The following IRX2 variants were observed in gnomAD, a reference collection of about 807,000 sequenced individuals.
IRX2 encodes the protein iroquois homeobox 2.
IRX2 carries 26 observed loss-of-function variants against 42.9 expected under a neutral mutation model. That is an observed-to-expected ratio of 0.61 (90% confidence interval 0.44 to 0.84). IRX2 has a LOEUF of 0.84. Among genes scored for constraint, IRX2 ranks in the 40% least tolerant of loss-of-function variants. The pLI, the probability that IRX2 is intolerant of heterozygous loss-of-function variation, is 0.00. For synonymous variants in IRX2, 424 were observed against 353.9 expected (o/e 1.20, Z -2.22); for missense variants, 782 against 713.9 (o/e 1.10, Z -1.09).
chr5:2,740,783 C>T, the IRX2 span, among the ~76,000 whole-genome samples: 13 of 152,306 alleles, frequency 8.5e-5, no homozygotes, highest in South Asian at 2.5e-3. Flanking sequence ...GCGCCTCCAG[C>T]TCCCGCACCT....
At chr5:2,745,582 G>C (rs528830581), downstream of IRX2, among the ~76,000 whole-genome samples, 2 of 152,266 alleles carry the variant, frequency 1.3e-5, no homozygotes, top group South Asian at 2.1e-4. Flanking sequence ...GTAAGAGTAA[G>C]AGCCACTGAA....
At position 2,747,493 on chromosome 5, in the gene IRX2, T is replaced by G; in HGVS notation, c.*71A>C. 7.4e-7 allele frequency: 1 copy of G among 1,352,040 alleles called. No individual in the cohort carries two copies. The highest frequency in any genetic ancestry group is 1.1e-6 in the Non-Finnish European group (1 of 944,330). 83.8% of individuals were successfully genotyped at this position (1,352,040 alleles called of 1,614,324 possible). A position where few individuals can be genotyped will look rare whatever the true frequency, so the allele number is the denominator to read the frequency against. On this transcript the variant is annotated 3_prime_UTR_variant, in exon 4 of 4. Coordinates refer to ENST00000302057, the MANE Select transcript of IRX2 (RefSeq NM_033267.5). ...AAGAAAAACACATTAAGCAAGTTGGTGCTGGGAGGCTCCACAGGGTCTGGG... is the reference window on the plus strand; with the variant it reads ...AAGAAAAACACATTAAGCAAGTTGGGGCTGGGAGGCTCCACAGGGTCTGGG...
In IRX2 at chr5:2,751,472, C is replaced by A; in HGVS notation, c.-59G>T. ...GAGCAGCGGGCAGGGCGCGCGGCGC[C>A]CTCCATCCACGCCCGGCCGGGGCGC... is the stretch of plus-strand genomic sequence containing the variant. On this transcript the variant is annotated 5_prime_UTR_variant, in exon 1 of 4. Coordinates refer to ENST00000302057, the MANE Select transcript of IRX2 (RefSeq NM_033267.5). The surrounding 1 kb of genome is among the most constrained non-coding windows in gnomAD (Gnocchi z 4.0). 9.4e-7 allele frequency: 1 copy of A among 1,065,086 alleles called. No individual in the cohort carries two copies. The allele number at this position is 1,065,086 out of a possible 1,614,324, so 66.0% of individuals were successfully genotyped here. A position where few individuals can be genotyped will look rare whatever the true frequency, so the allele number is the denominator to read the frequency against.
chr5:2,750,185 T>C (rs1017240547), intron 1 of IRX2, among the ~76,000 whole-genome samples: 4 of 152,030 alleles, frequency 2.6e-5, no homozygotes, highest in Middle Eastern at 3.2e-3. Context: ...CCCTCCCTTA[T>C]ATGGTTAAAA....
In IRX2 at chr5:2,751,459, GGGCGCGCGGCGCCCTCCATCCAC is replaced by G. The variant is rs568725516; in HGVS notation, c.-69_-47del. 24 of 1,133,172 alleles carry G rather than the reference GGGCGCGCGGCGCCCTCCATCCAC, an allele frequency of 2.1e-5. No individual in the cohort carries two copies. The highest frequency in any genetic ancestry group is 5.4e-6 in the Non-Finnish European group (5 of 926,434). The allele number at this position is 1,133,172 out of a possible 1,614,324, so 70.2% of individuals were successfully genotyped here. ...CCCGCGTCACGCCGAGCAGCGGGCAGGGCGCGCGGCGCCCTCCATCCACGCCCGGCCGGGGCGCGGCGCGGCGG... is the reference window on the plus strand; with the variant it reads ...CCCGCGTCACGCCGAGCAGCGGGCAGGCCCGGCCGGGGCGCGGCGCGGCGG... On this transcript the variant is annotated 5_prime_UTR_variant, in exon 1 of 4. It removes an upstream start codon present in the reference 5' UTR. Transcript: ENST00000302057. This position sits in a 1 kb window ranked among gnomAD's most constrained non-coding sequence, Gnocchi z 4.0.
intron 1 of IRX2, 95 bp from the exon 2 acceptor site, chr5:2,749,882 T>TC (rs1737871293): frequency 8.4e-6 from 11 of 1,314,100 alleles, no homozygotes; most frequent in East Asian, 7.4e-5. Context: ...CGGCCACCGT[T>TC]CCCCCCGTGA....
chr5:2,750,792 G>C (rs1202667017), intron 1 of IRX2, among the ~76,000 whole-genome samples: 1 of 152,222 alleles, frequency 6.6e-6, no homozygotes, highest in Admixed American at 6.5e-5. Context: ...GCCAATGCAG[G>C]CGAGCACACA....
chr5:2,737,791 G>A, the IRX2 span: 14 of 152,310 alleles, frequency 9.2e-5, no homozygotes, highest in Non-Finnish European at 1.8e-4. Context: ...CCCGGTGCCA[G>A]GCCAACAGCT....
At chr5:2,736,469 G>C in the IRX2 span, among the ~76,000 whole-genome samples, 1 of 152,194 alleles carries the variant, frequency 6.6e-6, no homozygotes, top group African/African-American at 2.4e-5. Context: ...AATTTTAATA[G>C]AAAGCTTTGA....
the IRX2 span, among the ~76,000 whole-genome samples, chr5:2,740,808 C>T: frequency 6.6e-6 from 1 of 152,210 alleles, no homozygotes. Context: ...CCCAGGGTCT[C>T]CAGCACTGGG....
At chr5:2,739,212 G>A in the IRX2 span, among the ~76,000 whole-genome samples, 2 of 152,222 alleles carry the variant, frequency 1.3e-5, no homozygotes, top group African/African-American at 2.4e-5. Flanking sequence ...TGCAGACACC[G>A]CGGCAACCCA....
chr5:2,739,688 G>A, the IRX2 span, among the ~76,000 whole-genome samples: 2 of 152,288 alleles, frequency 1.3e-5, no homozygotes, highest in East Asian at 1.9e-4. Flanking sequence ...TCGGTTTCCC[G>A]GCGCTCTGCG....
chr5:2,744,080 GTGT>G (rs1737605815), downstream of IRX2, among the ~76,000 whole-genome samples: 10 of 86,398 alleles, frequency 1.2e-4, no homozygotes, highest in Non-Finnish European at 2.4e-4. Flanking sequence ...AGTCGTGTGT[GTGT>G]GTGTGTGTGT....
Position 2,748,836 on chromosome 5 carries a change from A to C in IRX2, c.872T>G (p.Leu291Trp), listed in dbSNP as rs780028832. The C allele has an allele frequency of 6.4e-7, 1 of 1,563,890 alleles. No homozygotes were observed. The highest frequency in any genetic ancestry group is 8.6e-7 in the Non-Finnish European group (1 of 1,165,258). Residue 291 changes from leucine (L) to tryptophan (W), a missense_variant, in exon 3 of 4, where the codon TTG becomes TGG. Leu to Trp is a moderately conservative substitution (Grantham distance 61, BLOSUM62 -2). Coordinates refer to ENST00000302057, the MANE Select transcript of IRX2 (RefSeq NM_033267.5). ...KPVTSSPLTG[L>W]EAPLLSPPPE... ...CGGGGGGCTCAGCAGCGGCGCCTCC[A>C]AGCCGGTAAGCGGCGACGAGGTCAC...
chr5:2,748,279 G>C (rs1737753417), intron 3 of IRX2, 66 bp downstream of exon 3: 1 of 1,327,182 alleles, frequency 7.5e-7, no homozygotes, highest in Non-Finnish European at 9.6e-7. Context: ...GGTCTCCCGG[G>C]CGCTCCGCCT....
In IRX2 at chr5:2,748,737, GC is replaced by G; in HGVS notation, c.970del (p.Ala324ProfsTer75). The G allele has an allele frequency of 7.3e-7, 1 of 1,368,378 alleles. No homozygotes were observed. The allele number at this position is 1,368,378 out of a possible 1,614,324, so 84.8% of individuals were successfully genotyped here. On this transcript the variant is annotated frameshift_variant, in exon 3 of 4. Transcript: ENST00000302057. LOFTEE classifies it high-confidence loss of function. The stretch of plus-strand genomic sequence containing the variant: ...CAGCGACCACAGCTTGGGCTTGCTG[GC>G]GGGGGGCGGCGCGCCCGGAGACGTC... ...SRTSPGAPPP[A>X]SKPKLWSLAE...
intron 3 of IRX2, 45 bp from the exon 4 acceptor site, chr5:2,747,661 G>T: frequency 1.9e-6 from 3 of 1,594,968 alleles, no homozygotes; most frequent in Middle Eastern, 1.7e-4. Context: ...CCCACAGCCT[G>T]CTGGCTGCGC....
In IRX2 at chr5:2,749,755, C is replaced by G. The variant is rs1737861136; in HGVS notation, c.282G>C (p.Met94Ile). 2.5e-6 allele frequency: 4 copies of G among 1,612,096 alleles called. No homozygotes were observed. Among genetic ancestry groups the G allele is most frequent in the African/African-American group, 1.3e-5 (1 of 75,030 alleles). The change falls in exon 2 of 4, where the codon ATG becomes ATC. Residue 94 changes from methionine (M) to isoleucine (I), a missense_variant. Coordinates refer to ENST00000302057, the MANE Select transcript of IRX2 (RefSeq NM_033267.5). ...GAPYDAHTTG[M>I]TGAISYHPYG... Reference sequence around the variant, plus strand: ...ACGGGTGGTAGCTGATGGCGCCGGTCATGCCGGTGGTGTGCGCGTCGTAGG... The same window carrying G: ...ACGGGTGGTAGCTGATGGCGCCGGTGATGCCGGTGGTGTGCGCGTCGTAGG...
At position 2,749,732 on chromosome 5, in the gene IRX2, G is replaced by C. The variant is rs1388711196; in HGVS notation, c.305C>G (p.Pro102Arg). 5 of 1,613,294 alleles carry C rather than the reference G, an allele frequency of 3.1e-6. No homozygotes were observed. The highest frequency in any genetic ancestry group is 4.2e-6 in the Non-Finnish European group (5 of 1,179,690). ...TGMTGAISYH[P>R]YGSAAYPYQL... Reference sequence around the variant, plus strand: ...GTACGGGTAGGCCGCGCTGCCGTACGGGTGGTAGCTGATGGCGCCGGTCAT... The same window carrying C: ...GTACGGGTAGGCCGCGCTGCCGTACCGGTGGTAGCTGATGGCGCCGGTCAT... The change falls in exon 2 of 4, where the codon CCG becomes CGG. Residue 102 changes from proline (P) to arginine (R), a missense_variant. Physicochemically the swap from Pro to Arg is moderately radical, Grantham distance 103. Transcript: ENST00000302057.
Sources: gnomAD v4.1 joint callset for allele counts (sites outside exome capture counted in the v4.1 genomes callset) on GRCh38, gnomAD v4.1.1 for gene constraint, Gnocchi (gnomAD v3.1) non-coding constraint, MANE v1.5 for transcripts, NCBI Gene and HGNC (gene_info 2026-07-23, HGNC 2026-07-21) for gene names.